ARL15: variants seen among roughly 807,000 people sequenced by gnomAD.
ARL15 encodes the protein ARF like GTPase 15.
In ARL15, 19 loss-of-function variants were observed where a neutral mutation model predicts 25.2. The observed-to-expected ratio is 0.75, with a 90% CI of 0.53 to 1.10. The LOEUF (loss-of-function observed/expected upper bound fraction) is 1.10, where lower values mean the gene tolerates loss of function less well. Ranked by LOEUF, ARL15 falls within the 50% of genes least tolerant of loss-of-function variation. The pLI, the probability that ARL15 is intolerant of heterozygous loss-of-function variation, is 0.00. For missense variants in ARL15, 220 were observed against 246.0 expected (o/e 0.89, Z 0.71); for synonymous variants, 94 against 86.8 (o/e 1.08, Z -0.46).
intron 4 of ARL15, among the ~76,000 whole-genome samples, chr5:54,050,761 C>T (rs1750680808): frequency 6.6e-6 from 1 of 152,158 alleles, no homozygotes; most frequent in African/African-American, 2.4e-5. Context: ...TGAAATTCTA[C>T]CTCTGAAATA....
intron 1 of ARL15, among the ~76,000 whole-genome samples, chr5:54,288,709 T>C (rs938953665): frequency 6.6e-6 from 1 of 152,080 alleles, no homozygotes; most frequent in African/African-American, 2.4e-5. Flanking sequence ...CAAAGGCCAA[T>C]AAAAAAGAAA....
intron 4 of ARL15, among the ~76,000 whole-genome samples, chr5:54,090,245 C>T (rs559656282): frequency 1.3e-5 from 2 of 151,868 alleles, no homozygotes; most frequent in South Asian, 2.1e-4. Flanking sequence ...GCAATAAAGA[C>T]GAATAAACCA....
intron 4 of ARL15, among the ~76,000 whole-genome samples, chr5:54,006,047 T>A: frequency 1.1e-5 from 1 of 90,920 alleles, no homozygotes; most frequent in East Asian, 3.8e-4. Context: ...TGAAATTACA[T>A]CTCCAAAAAA....
intron 1 of ARL15, among the ~76,000 whole-genome samples, chr5:54,184,141 C>A (rs1334934610): frequency 8.0e-6 from 1 of 125,288 alleles, no homozygotes; most frequent in Non-Finnish European, 1.7e-5. Context: ...GGAGATATAC[C>A]TAATGCTAAA....
intron 1 of ARL15, among the ~76,000 whole-genome samples, chr5:54,304,725 T>G (rs1425819061): frequency 6.6e-6 from 1 of 152,226 alleles, no homozygotes; most frequent in Non-Finnish European, 1.5e-5. Context: ...TTAATATGAC[T>G]GCCTAATCCA....
chr5:53,897,576 G>T (rs1169112064), intron 4 of ARL15, among the ~76,000 whole-genome samples: 1 of 152,108 alleles, frequency 6.6e-6, no homozygotes, highest in African/African-American at 2.4e-5. Context: ...TTTCTTTTGG[G>T]TATATATCTA....
At chr5:54,144,071 T>C (rs1753840397) in intron 3 of ARL15, among the ~76,000 whole-genome samples, 2 of 152,068 alleles carry the variant, frequency 1.3e-5, no homozygotes, top group Non-Finnish European at 2.9e-5. Context: ...TATGTGTGCA[T>C]GCATGTGTGT....
chr5:54,207,753 G>A (rs1439735787), intron 1 of ARL15, among the ~76,000 whole-genome samples: 1 of 152,150 alleles, frequency 6.6e-6, no homozygotes, highest in African/African-American at 2.4e-5. Context: ...AAGAAGCTCA[G>A]GAATGGCTGG....
rs16882534 is a variant in ARL15 at position 54,259,624 on chromosome 5, T to C, written c.48+50808A>G. Among the ~76,000 whole-genome samples the C allele has an allele frequency of 9.5e-3, 1,445 of 152,140 alleles. 27 individuals are homozygous for C. The highest frequency in any genetic ancestry group is 0.032 in the African/African-American group (1,308 of 41,506). On this transcript the variant is annotated intron_variant, in intron 1 of 4. Coordinates refer to ENST00000504924, the MANE Select transcript of ARL15 (RefSeq NM_019087.3). ...TCATCAACATTCAGACACCCAAAAATCAACAATATCTATAGACCCCTACAC... is the reference window on the plus strand; with the variant it reads ...TCATCAACATTCAGACACCCAAAAACCAACAATATCTATAGACCCCTACAC...
At chr5:54,230,175 C>T (rs542866999) in intron 1 of ARL15, among the ~76,000 whole-genome samples, 14 of 151,932 alleles carry the variant, frequency 9.2e-5, no homozygotes, top group African/African-American at 2.7e-4. Context: ...TATGAAATCC[C>T]GTCTCTACCA....
chr5:54,277,614 T>C (rs1757958622), intron 1 of ARL15, among the ~76,000 whole-genome samples: 1 of 151,778 alleles, frequency 6.6e-6, no homozygotes, highest in Non-Finnish European at 1.5e-5. Flanking sequence ...TAGCCGGGCG[T>C]GGTGGCGGGC....
intron 4 of ARL15, among the ~76,000 whole-genome samples, chr5:53,999,074 T>C (rs1361982830): frequency 6.6e-6 from 1 of 151,278 alleles, no homozygotes; most frequent in African/African-American, 2.4e-5. Flanking sequence ...CTGTCAAGAG[T>C]GGGGCCAGGA....
intron 4 of ARL15, among the ~76,000 whole-genome samples, chr5:53,967,928 A>G (rs866408254): frequency 6.6e-6 from 1 of 152,258 alleles, no homozygotes; most frequent in Middle Eastern, 3.4e-3. Flanking sequence ...AGTACCAAAG[A>G]AGTAGTCCTG....
intron 1 of ARL15, among the ~76,000 whole-genome samples, chr5:54,172,754 C>T (rs1422395827): frequency 6.6e-6 from 1 of 152,178 alleles, no homozygotes; most frequent in Non-Finnish European, 1.5e-5. Flanking sequence ...AGGAAAACTC[C>T]TTGTTCTGGT....
chr5:54,306,980 A>G (rs1421111741), intron 1 of ARL15, among the ~76,000 whole-genome samples: 1 of 152,194 alleles, frequency 6.6e-6, no homozygotes, highest in East Asian at 1.9e-4. Context: ...ATTTTCTCCT[A>G]CCTTATCCAA....
chr5:54,048,393 TTATATATATATATA>T (rs759838184), intron 4 of ARL15: 1 of 131,924 alleles, frequency 7.6e-6, no homozygotes, highest in East Asian at 2.1e-4. Context: ...TATATATAAA[TTATATATATATATA>T]TTTTTTTTTT....
intron 4 of ARL15, among the ~76,000 whole-genome samples, chr5:54,101,917 GCTGT>G (rs551474751): frequency 1.5e-3 from 222 of 151,980 alleles, no homozygotes; most frequent in Middle Eastern, 3.4e-3. Context: ...CATATTCATG[GCTGT>G]CTATTTAAAT....
At chr5:54,061,741 G>A (rs200957249) in intron 4 of ARL15, among the ~76,000 whole-genome samples, 1 of 152,294 alleles carries the variant, frequency 6.6e-6, no homozygotes, top group South Asian at 2.1e-4. Flanking sequence ...ACCTCTGCTA[G>A]GGCAGTGCAG....
intron 1 of ARL15, among the ~76,000 whole-genome samples, chr5:54,209,423 G>A (rs1755972003): frequency 2.0e-5 from 3 of 151,324 alleles, no homozygotes; most frequent in South Asian, 2.1e-4. Flanking sequence ...TTGAAGGGAG[G>A]GAAGGAAGAA....
Sources: gnomAD v4.1 joint callset for allele counts (sites outside exome capture counted in the v4.1 genomes callset) on GRCh38, gnomAD v4.1.1 for gene constraint, MANE v1.5 for transcripts, NCBI Gene and HGNC (gene_info 2026-07-23, HGNC 2026-07-21) for gene names.